GPR37L1: variants seen among roughly 807,000 people sequenced by gnomAD.
GPR37L1 encodes the protein G protein-coupled receptor 37 like 1.
Under a neutral mutation model 18.0 loss-of-function variants are expected in GPR37L1, and 18 were observed. The observed-to-expected ratio is 1.00, with a 90% CI of 0.69 to 1.49. GPR37L1 has a LOEUF of 1.49. Ranked by LOEUF, GPR37L1 falls within the 40% of genes most tolerant of loss-of-function variation. The pLI is 0.00. For synonymous variants in GPR37L1, 256 were observed against 273.9 expected, an observed-to-expected ratio of 0.93 and a Z score of 0.65; for missense variants, 558 against 615.1, an observed-to-expected ratio of 0.91 and a Z score of 0.98.
rs1055448441 is a variant in GPR37L1 at position 202,132,519 on chromosome 1, CG to C, written c.*3967del. ...AGGTGAGGGGCTGGAGGGCCCAGGACGGGGAGTCAAGGTCCCCACTCCCAGG... is the reference window on the plus strand; with the variant it reads ...AGGTGAGGGGCTGGAGGGCCCAGGACGGGAGTCAAGGTCCCCACTCCCAGG... On this transcript the variant is annotated 3_prime_UTR_variant, in exon 2 of 2. Coordinates refer to ENST00000367282, the MANE Select transcript of GPR37L1 (RefSeq NM_004767.5). 4 of 152,036 alleles carry C rather than the reference CG, an allele frequency of 2.6e-5. No individual in the cohort carries two copies. Among genetic ancestry groups the C allele is most frequent in the Non-Finnish European group, 4.4e-5 (3 of 68,118 alleles). The allele number at this position is 152,036 out of a possible 1,614,324, so 9.4% of individuals were successfully genotyped here.
intron 1 of GPR37L1, among the ~76,000 whole-genome samples, chr1:202,124,420 T>G (rs1279162059): frequency 6.6e-6 from 1 of 152,198 alleles, no homozygotes; most frequent in Non-Finnish European, 1.5e-5. Flanking sequence ...TGCCCTTACT[T>G]CTGGTAGCGT....
Position 202,128,692 on chromosome 1 carries a change from A to G in GPR37L1, c.*136A>G. 1 of 625,926 alleles carries G rather than the reference A, an allele frequency of 1.6e-6. No homozygotes were observed. Among genetic ancestry groups the G allele is most frequent in the Non-Finnish European group, 2.8e-6 (1 of 354,368 alleles). 38.8% of individuals were successfully genotyped at this position (625,926 alleles called of 1,614,324 possible). A position where few individuals can be genotyped will look rare whatever the true frequency, so the allele number is the denominator to read the frequency against. On this transcript the variant is annotated 3_prime_UTR_variant, in exon 2 of 2. Coordinates refer to ENST00000367282, the MANE Select transcript of GPR37L1 (RefSeq NM_004767.5). The stretch of plus-strand genomic sequence containing the variant: ...TTGGTTCCTCTTGTCAAGGTTTGGG[A>G]ATGTCAAAGCCCCCTCCCCACACAG...
intron 1 of GPR37L1, among the ~76,000 whole-genome samples, chr1:202,124,210 CCTAGATCCTCT>C (rs1654591306): frequency 6.6e-6 from 1 of 152,192 alleles, no homozygotes; most frequent in Non-Finnish European, 1.5e-5. Flanking sequence ...TCAGCAACTT[CCTAGATCCTCT>C]CTGAAAGGGA....
intron 1 of GPR37L1, among the ~76,000 whole-genome samples, chr1:202,126,145 C>T (rs1255889797): frequency 6.6e-6 from 1 of 152,148 alleles, no homozygotes; most frequent in African/African-American, 2.4e-5. Context: ...CACGGTGGCT[C>T]ACCCCTGTAA....
Position 202,128,448 on chromosome 1 carries a change from T to C in GPR37L1, c.1338T>C (p.Ser446=), listed in dbSNP as rs778049527. ...AGTGCGGCGGGGCTTCGGAGGCCTC[T>C]GCTGCCAATGGGTCGGACAACAAGC... The part of the protein sequence containing the change: ...CEECGGASEA[S]AANGSDNKLK... The change falls in exon 2 of 2, where the codon TCT becomes TCC. Residue 446 remains serine, a synonymous_variant. Transcript: ENST00000367282. 30 of 1,610,212 alleles carry C rather than the reference T, an allele frequency of 1.9e-5. No homozygotes were observed. Among genetic ancestry groups the C allele is most frequent in the Non-Finnish European group, 2.5e-5 (30 of 1,178,392 alleles).
Position 202,123,328 on chromosome 1 carries a change from CG to C in GPR37L1, c.367del (p.Val123Ter), listed in dbSNP as rs748257335. ...CTACAGATCCAGAACCCCCTGTATC[CG>C]GTGACCGAGAGCTCCTACAGTGCCT... ...QRLQIQNPLY[P>X]VTESSYSAYA... is the part of the protein sequence containing the mutation. On this transcript the variant is annotated frameshift_variant, in exon 1 of 2. Coordinates refer to ENST00000367282, the MANE Select transcript of GPR37L1 (RefSeq NM_004767.5). LOFTEE classifies it high-confidence loss of function. 6.2e-7 allele frequency: 1 copy of C among 1,614,196 alleles called. No individual in the cohort carries two copies. The highest frequency in any genetic ancestry group is 8.5e-7 in the Non-Finnish European group (1 of 1,180,048).
chr1:202,127,753 G>T lies in GPR37L1; in HGVS notation c.643G>T (p.Gly215Ter), dbSNP rs746978054. Residue 215 changes from glycine to a stop codon, truncating the protein, a stop_gained, in exon 2 of 2, where the codon GGA becomes TGA. Transcript: ENST00000367282. LOFTEE classifies it low-confidence loss of function (END_TRUNC). ...ATCCTGCCCACAGGTCTCCTCTCTG[G>T]GAGTCACGACTTTCAGCCTCTGTGC... ...AVPFMEVSSL[G>*]VTTFSLCALG... is the part of the protein sequence containing the mutation. 11 of 1,573,520 alleles carry T rather than the reference G, an allele frequency of 7.0e-6. No individual in the cohort carries two copies. The highest frequency in any genetic ancestry group is 8.6e-6 in the Non-Finnish European group (10 of 1,157,398).
In GPR37L1 at chr1:202,127,892, C is replaced by T. The variant is rs374873137; in HGVS notation, c.782C>T (p.Thr261Met). The T allele has an allele frequency of 5.1e-5, 82 of 1,613,708 alleles. 1 individual carries two copies. Among genetic ancestry groups the T allele is most frequent in the African/African-American group, 3.1e-4 (23 of 74,936 alleles). ...GCTGTCATCTGGGTGGGCTCCATGA[C>T]GCTGGCTGTGCCTGAGCTCCTGCTG... The part of the protein sequence containing the change: ...KLAVIWVGSM[T>M]LAVPELLLWQ... Residue 261 changes from threonine to methionine, a missense_variant, in exon 2 of 2, where the codon ACG (threonine) becomes ATG (methionine). Coordinates refer to ENST00000367282, the MANE Select transcript of GPR37L1 (RefSeq NM_004767.5).
chr1:202,125,252 C>G (rs1044952904), intron 1 of GPR37L1, among the ~76,000 whole-genome samples: 3 of 151,050 alleles, frequency 2.0e-5, no homozygotes, highest in Non-Finnish European at 4.4e-5. Flanking sequence ...GCTGTGCATG[C>G]TTAGACACAG....
chr1:202,123,619 T>C, intron 1 of GPR37L1, 26 bp downstream of exon 1: 1 of 1,534,422 alleles, frequency 6.5e-7, no homozygotes, highest in Non-Finnish European at 8.7e-7. Context: ...GTTTGAGCTC[T>C]GCTGGGAGGC....
rs536616624 is a variant in GPR37L1 at position 202,127,940 on chromosome 1, C to A, written c.830C>A (p.Ala277Asp). The change falls in exon 2 of 2, where the codon GCC becomes GAC. Residue 277 changes from alanine (A) to aspartate (D), a missense_variant. By Grantham distance (126) the Ala-to-Asp change is moderately radical. Coordinates refer to ENST00000367282, the MANE Select transcript of GPR37L1 (RefSeq NM_004767.5). Reference protein sequence around the residue: ...LLLWQLAQEPAPTMGTLDSCI... With the variant: ...LLLWQLAQEPDPTMGTLDSCI... ...CTGTGGCAGCTGGCACAGGAGCCTG[C>A]CCCCACCATGGGCACCCTGGACTCA... is the stretch of plus-strand genomic sequence containing the variant. The A allele has an allele frequency of 6.2e-7, 1 of 1,613,692 alleles. No individual in the cohort carries two copies. The highest frequency in any genetic ancestry group is 8.5e-7 in the Non-Finnish European group (1 of 1,179,850).
In GPR37L1 at chr1:202,128,168, G is replaced by A; in HGVS notation, c.1058G>A (p.Cys353Tyr). ...TGCAGGGCCAGCAAGCACGAGCAGT[G>A]TGAGAGCCAGCTCAACAGCACCGTG... ...SECRASKHEQCESQLNSTVVG... is the reference protein window; with the variant it reads ...SECRASKHEQYESQLNSTVVG... The change falls in exon 2 of 2, where the codon TGT (cysteine) becomes TAT (tyrosine). Residue 353 changes from cysteine to tyrosine, a missense_variant. Coordinates refer to ENST00000367282, the MANE Select transcript of GPR37L1 (RefSeq NM_004767.5). 6.2e-7 allele frequency: 1 copy of A among 1,614,032 alleles called. No homozygotes were observed. The highest frequency in any genetic ancestry group is 8.5e-7 in the Non-Finnish European group (1 of 1,180,030).
chr1:202,123,452 T>G lies in GPR37L1; in HGVS notation c.489T>G (p.Ser163Arg). 1 of 1,613,888 alleles carries G rather than the reference T, an allele frequency of 6.2e-7. No individual in the cohort carries two copies. The highest frequency in any genetic ancestry group is 8.5e-7 in the Non-Finnish European group (1 of 1,179,996). ...TGTGGCACAGCTACTACCTGAAGAG[T>G]GCCTGGAACTCCATCCTTGCCAGCC... ...CIVWHSYYLKSAWNSILASLA... is the reference protein window; with the variant it reads ...CIVWHSYYLKRAWNSILASLA... Residue 163 changes from serine to arginine, a missense_variant, in exon 1 of 2, where the codon AGT becomes AGG. Transcript: ENST00000367282.
In GPR37L1 at chr1:202,123,205, C is replaced by T. The variant is rs769333411; in HGVS notation, c.242C>T (p.Pro81Leu). 5 of 1,613,640 alleles carry T rather than the reference C, an allele frequency of 3.1e-6. No homozygotes were observed. The highest frequency in any genetic ancestry group is 3.4e-6 in the Non-Finnish European group (4 of 1,179,898). ...CCTGCTGGCCTGCAGCCAACCAAGC[C>T]CTTGGTGGCCACCAGCCCTAACCCC... ...IHPAGLQPTK[P>L]LVATSPNPGK... The change falls in exon 1 of 2, where the codon CCC (proline) becomes CTC (leucine). Residue 81 changes from proline to leucine, a missense_variant. By Grantham distance (98) the Pro-to-Leu change is moderately conservative (BLOSUM62 -3). Coordinates refer to ENST00000367282, the MANE Select transcript of GPR37L1 (RefSeq NM_004767.5).
chr1:202,123,330 G>T lies in GPR37L1; in HGVS notation c.367G>T (p.Val123Leu), dbSNP rs143588813. The T allele has an allele frequency of 3.1e-6, 5 of 1,614,088 alleles. No individual in the cohort carries two copies. The highest frequency in any genetic ancestry group is 4.2e-6 in the Non-Finnish European group (5 of 1,180,044). ...RLQIQNPLYPVTESSYSAYAI... is the reference protein window; with the variant it reads ...RLQIQNPLYPLTESSYSAYAI... Reference sequence around the variant, plus strand: ...ACAGATCCAGAACCCCCTGTATCCGGTGACCGAGAGCTCCTACAGTGCCTA... The same window carrying T: ...ACAGATCCAGAACCCCCTGTATCCGTTGACCGAGAGCTCCTACAGTGCCTA... The change falls in exon 1 of 2, where the codon GTG becomes TTG. Residue 123 changes from valine to leucine, a missense_variant. Physicochemically the swap from Val to Leu is conservative, Grantham distance 32 (BLOSUM62 1). Transcript: ENST00000367282.
In GPR37L1 at chr1:202,130,933, G is replaced by T. The variant is rs749294656; in HGVS notation, c.*2377G>T. 1 of 152,320 alleles carries T rather than the reference G, an allele frequency of 6.6e-6. No individual in the cohort carries two copies. The highest frequency in any genetic ancestry group is 1.5e-5 in the Non-Finnish European group (1 of 68,118). 9.4% of individuals were successfully genotyped at this position (152,320 alleles called of 1,614,324 possible). ...CCTGCTGGTTGGCCGGCTCAGAGATGAAGGGGGAGAGATGGTGGCTCCAAG... is the reference window on the plus strand; with the variant it reads ...CCTGCTGGTTGGCCGGCTCAGAGATTAAGGGGGAGAGATGGTGGCTCCAAG... On this transcript the variant is annotated 3_prime_UTR_variant, in exon 2 of 2. Transcript: ENST00000367282.
rs369524183 is a variant in GPR37L1 at position 202,123,069 on chromosome 1, G to A, written c.106G>A (p.Glu36Lys). Residue 36 changes from glutamate to lysine, a missense_variant, in exon 1 of 2, where the codon GAG (glutamate) becomes AAG (lysine). Coordinates refer to ENST00000367282, the MANE Select transcript of GPR37L1 (RefSeq NM_004767.5). ...CCTGCACCTGGGCAGGCACAGAGCC[G>A]AGACCCAGGAGCAGCAGAGCCGATC... ...APLHLGRHRA[E>K]TQEQQSRSKR... 1.4e-5 allele frequency: 23 copies of A among 1,613,746 alleles called. No individual in the cohort carries two copies. In the Middle Eastern group the frequency reaches 6.8e-4, roughly 48 times the overall value.
Position 202,130,805 on chromosome 1 carries a change from A to T in GPR37L1, c.*2249A>T, listed in dbSNP as rs1654829548. On this transcript the variant is annotated 3_prime_UTR_variant, in exon 2 of 2. Coordinates refer to ENST00000367282, the MANE Select transcript of GPR37L1 (RefSeq NM_004767.5). ...CACCAGCTTCCTAAGGGATGCAGGAAGGGGCCGGGTGAACTGAGGTGAAGT... is the reference window on the plus strand; with the variant it reads ...CACCAGCTTCCTAAGGGATGCAGGATGGGGCCGGGTGAACTGAGGTGAAGT... 1 of 152,284 alleles carries T rather than the reference A, an allele frequency of 6.6e-6. No individual in the cohort carries two copies. The highest frequency in any genetic ancestry group is 6.5e-5 in the Admixed American group (1 of 15,282). The allele number at this position is 152,284 out of a possible 1,614,324, so 9.4% of individuals were successfully genotyped here. A position where few individuals can be genotyped will look rare whatever the true frequency, so the allele number is the denominator to read the frequency against.
intron 1 of GPR37L1, among the ~76,000 whole-genome samples, chr1:202,124,889 G>A (rs1003252951): frequency 6.6e-6 from 1 of 152,194 alleles, no homozygotes; most frequent in Admixed American, 6.5e-5. Context: ...CCCTGTGCCA[G>A]GCACAGTGGC....
Sources: gnomAD v4.1 joint callset for allele counts (sites outside exome capture counted in the v4.1 genomes callset) on GRCh38, gnomAD v4.1.1 for gene constraint, MANE v1.5 for transcripts, NCBI Gene and HGNC (gene_info 2026-07-23, HGNC 2026-07-21) for gene names.